IL12RB2: variants seen among roughly 807,000 people sequenced by gnomAD.
IL12RB2 encodes the protein interleukin 12 receptor subunit beta 2, also known as interleukin-12 receptor subunit beta-2.
IL12RB2 carries 82 observed loss-of-function variants against 89.4 expected under a neutral mutation model. The ratio of observed to expected loss-of-function variants is 0.92; its 90% CI spans 0.77 to 1.10. IL12RB2 has a LOEUF of 1.10. Among genes scored for constraint, IL12RB2 ranks in the 50% least tolerant of loss-of-function variants. The pLI is 0.00. For synonymous variants in IL12RB2, 368 were observed against 370.1 expected, an observed-to-expected ratio of 0.99 and a Z score of 0.07; for missense variants, 963 against 1,031.9, an observed-to-expected ratio of 0.93 and a Z score of 0.92.
chr1:67,326,973 T>C, intron 5 of IL12RB2, 124 bp downstream of exon 5: 1 of 839,552 alleles, frequency 1.2e-6, no homozygotes, highest in South Asian at 5.4e-5. Context: ...ATTTATTTAT[T>C]TATTTTGAGA....
At chr1:67,353,119 G>T (rs866136764) in intron 10 of IL12RB2, among the ~76,000 whole-genome samples, 9 of 152,188 alleles carry the variant, frequency 5.9e-5, no homozygotes, top group South Asian at 4.1e-4. Context: ...TAATAGTAAA[G>T]AATGGACTGG....
intron 14 of IL12RB2, among the ~76,000 whole-genome samples, chr1:67,381,806 G>A (rs1212890024): frequency 6.8e-6 from 1 of 146,620 alleles, no homozygotes; most frequent in African/African-American, 2.5e-5. Context: ...TAACTTGCTC[G>A]ATTAATGTGG....
chr1:67,335,089 G>A (rs768537530), intron 8 of IL12RB2, among the ~76,000 whole-genome samples: 1 of 152,098 alleles, frequency 6.6e-6, no homozygotes, highest in Non-Finnish European at 1.5e-5. Flanking sequence ...TTGGAAGGAA[G>A]GAATGATAAT....
At chr1:67,316,548 G>C (rs974541434) in intron 2 of IL12RB2, among the ~76,000 whole-genome samples, 1 of 152,056 alleles carries the variant, frequency 6.6e-6, no homozygotes, top group Non-Finnish European at 1.5e-5. Flanking sequence ...ATACATTTGA[G>C]AGTAAAATCT....
chr1:67,318,858 G>A (rs1439581760), intron 2 of IL12RB2, among the ~76,000 whole-genome samples: 1 of 151,870 alleles, frequency 6.6e-6, no homozygotes, highest in Non-Finnish European at 1.5e-5. Flanking sequence ...AGGGGACCAG[G>A]TGAAATCCCC....
rs1341256348 is a variant in IL12RB2 at position 67,397,105 on chromosome 1, CA to C, written c.*1018del. On this transcript the variant is annotated 3_prime_UTR_variant, in exon 17 of 17. Transcript: ENST00000674203. ...GTGAGCCACTGCACTCCAGCCTGGG[CA>C]ACAGAGCAAGACTCTGTCTCAAAAA... 2.7e-5 allele frequency among the ~76,000 whole-genome samples: 4 copies of C among 147,078 alleles called. No individual in the cohort carries two copies. Among genetic ancestry groups the C allele is most frequent in the African/African-American group, 1.0e-4 (4 of 39,696 alleles).
chr1:67,324,039 G>C (rs1656944303), intron 4 of IL12RB2, among the ~76,000 whole-genome samples: 1 of 152,108 alleles, frequency 6.6e-6, no homozygotes, highest in African/African-American at 2.4e-5. Flanking sequence ...GGAAAAACAA[G>C]ATAATTACTA....
chr1:67,342,788 G>C (rs1569919149), intron 9 of IL12RB2, among the ~76,000 whole-genome samples: 2 of 140,148 alleles, frequency 1.4e-5, no homozygotes, highest in African/African-American at 2.6e-5. Context: ...GAGACAGGGT[G>C]TCATTCTGTC....
intron 9 of IL12RB2, among the ~76,000 whole-genome samples, chr1:67,342,384 G>C: frequency 6.6e-6 from 1 of 152,170 alleles, no homozygotes; most frequent in East Asian, 1.9e-4. Context: ...TCTTGCATAT[G>C]GGGAAATGTG....
At chr1:67,387,166 G>A (rs1405252204) in intron 15 of IL12RB2, among the ~76,000 whole-genome samples, 2 of 151,262 alleles carry the variant, frequency 1.3e-5, no homozygotes, top group African/African-American at 2.4e-5. Context: ...CTGACCTCAA[G>A]TGATCCACCT....
chr1:67,367,735 G>A (rs780793511), intron 10 of IL12RB2, 90 bp from the exon 11 acceptor site: 38 of 800,338 alleles, frequency 4.7e-5, no homozygotes, highest in African/African-American at 1.5e-4. Flanking sequence ...AAACTTTTTC[G>A]TTGGGATAAG....
At chr1:67,346,060 C>A (rs942251257) in intron 9 of IL12RB2, among the ~76,000 whole-genome samples, 17 of 152,056 alleles carry the variant, frequency 1.1e-4, no homozygotes, top group African/African-American at 3.9e-4. Context: ...TGGGGAGTAT[C>A]TAGGAAGTGC....
At chr1:67,344,685 T>C (rs1387086179) in intron 9 of IL12RB2, among the ~76,000 whole-genome samples, 1 of 152,238 alleles carries the variant, frequency 6.6e-6, no homozygotes, top group African/African-American at 2.4e-5. Context: ...TTTATAACCT[T>C]TTTATCCTAC....
chr1:67,320,908 GCCCTGGTTCGTGATGCCCACC>G (rs1363870241), intron 3 of IL12RB2, among the ~76,000 whole-genome samples: 1 of 138,058 alleles, frequency 7.2e-6, no homozygotes, highest in Non-Finnish European at 1.5e-5. Context: ...CCCATGACAG[GCCCTGGTTCGTGATGCCCACC>G]CCCACCCCCG....
intron 1 of IL12RB2, among the ~76,000 whole-genome samples, chr1:67,311,230 A>G (rs1405810403): frequency 6.6e-6 from 1 of 152,176 alleles, no homozygotes; most frequent in African/African-American, 2.4e-5. Context: ...ACATGGTTCA[A>G]TGCCTCTTGG....
intron 4 of IL12RB2, among the ~76,000 whole-genome samples, chr1:67,325,757 G>A (rs188824207): frequency 1.2e-4 from 19 of 152,268 alleles, no homozygotes; most frequent in Non-Finnish European, 2.2e-4. Context: ...GATTTTTTCA[G>A]TGTAGACAAT....
chr1:67,334,288 A>G (rs530683286), intron 8 of IL12RB2, among the ~76,000 whole-genome samples: 2 of 152,368 alleles, frequency 1.3e-5, no homozygotes, highest in Non-Finnish European at 1.5e-5. Flanking sequence ...TTTTCTCTAC[A>G]GGTCCAGATA....
chr1:67,360,804 A>AG (rs1236245627), intron 10 of IL12RB2, among the ~76,000 whole-genome samples: 4 of 152,148 alleles, frequency 2.6e-5, no homozygotes, highest in African/African-American at 9.7e-5. Flanking sequence ...TCAAAAAAAA[A>AG]AAAAAATACA....
At chr1:67,311,479 C>G (rs553135628) in intron 1 of IL12RB2, among the ~76,000 whole-genome samples, 2 of 152,180 alleles carry the variant, frequency 1.3e-5, no homozygotes, top group East Asian at 1.9e-4. Context: ...GGTCAACTTA[C>G]AGATTTTTCT....
Sources: gnomAD v4.1 joint callset for allele counts (sites outside exome capture counted in the v4.1 genomes callset) on GRCh38, gnomAD v4.1.1 for gene constraint, MANE v1.5 for transcripts, NCBI Gene and HGNC (gene_info 2026-07-23, HGNC 2026-07-21) for gene names.